The following USP38 variants were observed in gnomAD, a reference collection of about 807,000 sequenced individuals.
USP38 encodes ubiquitin carboxyl-terminal hydrolase 38.
USP38 carries 49 observed loss-of-function variants against 94.3 expected under a neutral mutation model. That is an observed-to-expected ratio of 0.52 (90% CI 0.41 to 0.66). The LOEUF is 0.66. Ranked by LOEUF, USP38 falls within the 30% of genes least tolerant of loss-of-function variation. The pLI is 0.00. For missense variants in USP38, 1,128 were observed against 1,229.4 expected, an observed-to-expected ratio of 0.92 and a Z score of 1.23; for synonymous variants, 468 against 463.6, an observed-to-expected ratio of 1.01 and a Z score of -0.12.
At chr4:143,213,386 A>G (rs1732081349) in intron 8 of USP38, among the ~76,000 whole-genome samples, 195 bp from the exon 9 acceptor site, 1 of 152,188 alleles carries the variant, frequency 6.6e-6, no homozygotes, top group African/African-American at 2.4e-5. Context: ...ATGAGAATAT[A>G]GAGTAGTAAT....
intron 9 of USP38, among the ~76,000 whole-genome samples, chr4:143,218,727 G>A (rs1177344519): frequency 6.6e-6 from 1 of 152,094 alleles, no homozygotes; most frequent in African/African-American, 2.4e-5. Flanking sequence ...TTTAGTAGCA[G>A]AAGTTCAAGG....
rs537422172 is a variant in USP38 at position 143,220,179 on chromosome 4, T to C, written c.2968-116T>C. On this transcript the variant is annotated intron_variant, in intron 9 of 9. Coordinates refer to ENST00000307017, the MANE Select transcript of USP38 (RefSeq NM_032557.6). Reference sequence around the variant, plus strand: ...CTTAGGTGCTTTAGTTTCAAAGTTATTGAGATTTGAAGAATGTTTATAAGG... The same window carrying C: ...CTTAGGTGCTTTAGTTTCAAAGTTACTGAGATTTGAAGAATGTTTATAAGG... 7.8e-5 allele frequency: 89 copies of C among 1,146,278 alleles called. No individual in the cohort carries two copies. In the African/African-American group the frequency reaches 1.3e-3, roughly 16 times the overall value. 71.0% of individuals were successfully genotyped at this position (1,146,278 alleles called of 1,614,324 possible).
chr4:143,219,662 A>G (rs1732273186), intron 9 of USP38, among the ~76,000 whole-genome samples: 1 of 152,134 alleles, frequency 6.6e-6, no homozygotes, highest in African/African-American at 2.4e-5. Context: ...TGTGGGTCCC[A>G]GTTTTAGAAT....
intron 4 of USP38, among the ~76,000 whole-genome samples, chr4:143,201,703 TA>T (rs1731719368): frequency 6.6e-6 from 1 of 152,100 alleles, no homozygotes; most frequent in African/African-American, 2.4e-5. Context: ...AAATTTATTT[TA>T]AACAGACACT....
In USP38 at chr4:143,195,741, T is replaced by C. The variant is rs1731526525; in HGVS notation, c.844T>C (p.Leu282=). ...AATGATTGACTGGCTATCCTGGCCA[T>C]TGGCTCAGCATGTGGATACATGGGT... is the stretch of plus-strand genomic sequence containing the variant. ...CRMIDWLSWP[L]AQHVDTWVIA... is the part of the protein sequence containing the mutation. Residue 282 remains leucine, a synonymous_variant, in exon 3 of 10, where the codon TTG becomes CTG. Coordinates refer to ENST00000307017, the MANE Select transcript of USP38 (RefSeq NM_032557.6). The C allele has an allele frequency of 6.2e-7, 1 of 1,606,382 alleles. No homozygotes were observed. The highest frequency in any genetic ancestry group is 1.7e-5 in the Admixed American group (1 of 58,076).
intron 9 of USP38, chr4:143,215,638 A>G (rs1474279666): frequency 3.9e-5 from 6 of 152,046 alleles, no homozygotes; most frequent in Non-Finnish European, 8.8e-5. Flanking sequence ...GCTAGCAGTA[A>G]ATTACAGGTG....
At position 143,221,452 on chromosome 4, in the gene USP38, T is replaced by TC. The variant is rs1732321121; in HGVS notation, c.*996_*997insC. 1 of 152,612 alleles carries TC rather than the reference T, an allele frequency of 6.6e-6. No homozygotes were observed. The highest frequency in any genetic ancestry group is 1.5e-5 in the Non-Finnish European group (1 of 67,992). The allele number at this position is 152,612 out of a possible 1,614,324, so 9.5% of individuals were successfully genotyped here. A position where few individuals can be genotyped will look rare whatever the true frequency, so the allele number is the denominator to read the frequency against. On this transcript the variant is annotated 3_prime_UTR_variant, in exon 10 of 10. Transcript: ENST00000307017. ...AGTAAAAAATCTGTCTTGATTTTGT[T>TC]ACTTATTCCTCAGAATATTAAACAT... is the stretch of plus-strand genomic sequence containing the variant.
chr4:143,200,715 C>A (rs1007889141), intron 4 of USP38, among the ~76,000 whole-genome samples: 2 of 152,202 alleles, frequency 1.3e-5, no homozygotes, highest in Non-Finnish European at 2.9e-5. Flanking sequence ...AAATCACTAG[C>A]ATTCCTATAC....
Position 143,187,852 on chromosome 4 carries a change from T to C in USP38, c.709T>C (p.Leu237=). The C allele has an allele frequency of 1.2e-6, 2 of 1,612,904 alleles. No individual in the cohort carries two copies. Among genetic ancestry groups the C allele is most frequent in the Middle Eastern group, 1.7e-4 (1 of 6,056 alleles). The part of the protein sequence containing the change: ...TDASFEPSVA[L]ASLVQHIPLQ... ...TGCATCATTTGAACCTTCTGTAGCA[T>C]TGGCAAGCCTTGTGCAGCATATTCC... Residue 237 remains leucine (L), a synonymous_variant, in exon 2 of 10, where the codon TTG becomes CTG. Coordinates refer to ENST00000307017, the MANE Select transcript of USP38 (RefSeq NM_032557.6).
chr4:143,189,661 T>C (rs1306962963), intron 2 of USP38, among the ~76,000 whole-genome samples: 1 of 152,018 alleles, frequency 6.6e-6, no homozygotes, highest in Non-Finnish European at 1.5e-5. Context: ...ATCTGTAACT[T>C]TTACTTCCAG....
rs138467157 is a variant in USP38, at chr4:143,200,083, G to A, written c.1050+2159G>A. On this transcript the variant is annotated intron_variant, in intron 4 of 9. Coordinates refer to ENST00000307017, the MANE Select transcript of USP38 (RefSeq NM_032557.6). ...GGTATTGCCTAGGTTGTCTTCCAGGGTTTTTAAAGTTTGGGGTTTTACATT... is the reference window on the plus strand; with the variant it reads ...GGTATTGCCTAGGTTGTCTTCCAGGATTTTTAAAGTTTGGGGTTTTACATT... Among the ~76,000 whole-genome samples, 459 of 152,020 alleles carry A rather than the reference G, an allele frequency of 3.0e-3. 1 individual carries two copies. Among genetic ancestry groups the A allele is most frequent in the African/African-American group, 9.9e-3 (409 of 41,490 alleles).
chr4:143,186,108 GT>G lies in USP38; in HGVS notation c.663del (p.Phe221LeufsTer15). The G allele has an allele frequency of 6.2e-7, 1 of 1,614,094 alleles. No individual in the cohort carries two copies. The highest frequency in any genetic ancestry group is 1.7e-5 in the Admixed American group (1 of 60,022). On this transcript the variant is annotated frameshift_variant, in exon 1 of 10. Transcript: ENST00000307017. LOFTEE classifies it high-confidence loss of function. The stretch of plus-strand genomic sequence containing the variant: ...CACACTACTGCCTTCCCTGCAAGAA[GT>G]TTTTGCAAGCATCTCTTCCACAGGT... Reference protein sequence around the residue: ...PATLLPSLQEVFASISSTDAS... With the variant: ...PATLLPSLQEXFASISSTDAS...
chr4:143,192,904 T>TGG (rs1731439169), intron 2 of USP38, among the ~76,000 whole-genome samples: 1 of 152,022 alleles, frequency 6.6e-6, no homozygotes, highest in Admixed American at 6.6e-5. Flanking sequence ...AAGGCAGAAA[T>TGG]GGAAAGGATG....
chr4:143,220,367 T>G lies in USP38; in HGVS notation c.3040T>G (p.Phe1014Val). 1 of 1,613,542 alleles carries G rather than the reference T, an allele frequency of 6.2e-7. No individual in the cohort carries two copies. Among genetic ancestry groups the G allele is most frequent in the Non-Finnish European group, 8.5e-7 (1 of 1,179,674 alleles). Residue 1014 changes from phenylalanine to valine, a missense_variant, in exon 10 of 10, where the codon TTT becomes GTT. Phe to Val is a conservative substitution (Grantham distance 50). Coordinates refer to ENST00000307017, the MANE Select transcript of USP38 (RefSeq NM_032557.6). ...SASCSFRPNG[F>V]DDNDPPGSCG... is the part of the protein sequence containing the mutation. Reference sequence around the variant, plus strand: ...TTCATGTTCATTTCGGCCCAATGGATTTGATGACAACGACCCACCAGGAAG... The same window carrying G: ...TTCATGTTCATTTCGGCCCAATGGAGTTGATGACAACGACCCACCAGGAAG...
chr4:143,213,919 C>T lies in USP38; in HGVS notation c.1943C>T (p.Ala648Val), dbSNP rs569617870. ...ATACAAGATGGTGGTCTAATGCAAG[C>T]CTCTGTACCCGGTCCTTCAGAAGAA... ...PSIQDGGLMQ[A>V]SVPGPSEEPV... The change falls in exon 9 of 10, where the codon GCC becomes GTC. Residue 648 changes from alanine (A) to valine (V), a missense_variant. By Grantham distance (64) the Ala-to-Val change is moderately conservative. Coordinates refer to ENST00000307017, the MANE Select transcript of USP38 (RefSeq NM_032557.6). 2.5e-6 allele frequency: 4 copies of T among 1,613,786 alleles called. No homozygotes were observed. The African/African-American group carries it at 4.0e-5, about 16-fold the overall frequency.
Position 143,195,696 on chromosome 4 carries a change from TC to T in USP38, c.819-19del. The T allele has an allele frequency of 6.4e-7, 1 of 1,571,980 alleles. No homozygotes were observed. Among genetic ancestry groups the T allele is most frequent in the Non-Finnish European group, 8.6e-7 (1 of 1,159,876 alleles). On this transcript the variant is annotated intron_variant, in intron 2 of 9. Transcript: ENST00000307017. ...GAAAATATTTTCAATAATGATTGTT[TC>T]ATTTTCCTTCAATTTCAGAATGATT... is the stretch of plus-strand genomic sequence containing the variant.
rs114987244 is a variant in USP38, at chr4:143,201,024, C to T, written c.1051-2384C>T. ...CATTCTTCACAGAACTAAAAAAACA[C>T]TATTTTAAAATTTGTGTGGAACCAA... On this transcript the variant is annotated intron_variant, in intron 4 of 9. Transcript: ENST00000307017. Among the ~76,000 whole-genome samples the T allele has an allele frequency of 1.9e-3, 293 of 152,238 alleles. 1 individual carries two copies. Among genetic ancestry groups the T allele is most frequent in the African/African-American group, 6.5e-3 (269 of 41,554 alleles).
intron 3 of USP38, among the ~76,000 whole-genome samples, chr4:143,196,746 C>G (rs565684231): frequency 7.9e-5 from 12 of 152,214 alleles, no homozygotes; most frequent in Non-Finnish European, 1.6e-4. Flanking sequence ...CCCTTGAACT[C>G]CATATTCATG....
At chr4:143,203,766 AT>A (rs1222560884) in intron 5 of USP38, among the ~76,000 whole-genome samples, 200 bp downstream of exon 5, 2 of 152,154 alleles carry the variant, frequency 1.3e-5, no homozygotes, top group Non-Finnish European at 2.9e-5. Context: ...ATATTTCTTT[AT>A]TTCTGCAGTG....
Sources: gnomAD v4.1 joint callset for allele counts (sites outside exome capture counted in the v4.1 genomes callset) on GRCh38, gnomAD v4.1.1 for gene constraint, MANE v1.5 for transcripts, NCBI Gene and HGNC (gene_info 2026-07-23, HGNC 2026-07-21) for gene names.